Variants in GRHL2 observed in about 807,000 individuals in gnomAD.
GRHL2 encodes the protein grainyhead like transcription factor 2, also known as grainyhead-like protein 2 homolog.
In GRHL2, 21 loss-of-function variants were observed where a neutral mutation model predicts 83.8. That is an observed-to-expected ratio of 0.25 (90% CI 0.18 to 0.36). The LOEUF (loss-of-function observed/expected upper bound fraction) is 0.36, where lower values mean the gene tolerates loss of function less well. Among genes scored for constraint, GRHL2 ranks in the 10% least tolerant of loss-of-function variants. GRHL2 has a pLI of 1.00. For missense variants in GRHL2, 623 were observed against 781.8 expected (o/e 0.80, Z 2.42); for synonymous variants, 280 against 278.9 (o/e 1.00, Z -0.04).
chr8:101,540,968 G>A (rs1811140507), intron 1 of GRHL2, among the ~76,000 whole-genome samples: 1 of 152,054 alleles, frequency 6.6e-6, no homozygotes, highest in African/African-American at 2.4e-5. Context: ...ATATCACTCT[G>A]TTTGCCTTTG....
rs910958802 is a variant in GRHL2 at position 101,667,164 on chromosome 8, G to T, written c.*461G>T. 8 of 224,268 alleles carry T rather than the reference G, an allele frequency of 3.6e-5. No homozygotes were observed. Among genetic ancestry groups the T allele is most frequent in the Admixed American group, 4.9e-5 (1 of 20,212 alleles). 13.9% of individuals were successfully genotyped at this position (224,268 alleles called of 1,614,324 possible). Reference sequence around the variant, plus strand: ...GCTACGTCTGGGTGCAGTAGTTATAGGTGGGGCAAGAGGTGGATGCCCACT... The same window carrying T: ...GCTACGTCTGGGTGCAGTAGTTATATGTGGGGCAAGAGGTGGATGCCCACT... On this transcript the variant is annotated 3_prime_UTR_variant, in exon 16 of 16. Coordinates refer to ENST00000646743, the MANE Select transcript of GRHL2 (RefSeq NM_024915.4).
chr8:101,625,185 A>G (rs149681057), intron 9 of GRHL2, among the ~76,000 whole-genome samples: 158 of 152,220 alleles, frequency 1.0e-3, no homozygotes, highest in Non-Finnish European at 1.5e-3. Flanking sequence ...CCTTCTTGGA[A>G]ATAAAGAATA....
At chr8:101,597,536 T>A (rs189215544) in intron 7 of GRHL2, among the ~76,000 whole-genome samples, 2 of 152,146 alleles carry the variant, frequency 1.3e-5, no homozygotes, top group Non-Finnish European at 2.9e-5. Context: ...TGTAGGGACA[T>A]GGATGAAGCT....
chr8:101,616,297 A>T (rs990066270), intron 8 of GRHL2, among the ~76,000 whole-genome samples: 1 of 151,834 alleles, frequency 6.6e-6, no homozygotes, highest in Admixed American at 6.6e-5. Flanking sequence ...CAGCCTCCTG[A>T]GTAGCTGGGA....
chr8:101,674,167 C>G (rs2129811055), downstream of GRHL2, among the ~76,000 whole-genome samples: 1 of 152,200 alleles, frequency 6.6e-6, no homozygotes, highest in South Asian at 2.1e-4. Context: ...CAAGAGCAAA[C>G]ACATTCAAAA....
chr8:101,573,648 C>T lies in GRHL2; in HGVS notation c.735-20C>T. The T allele has an allele frequency of 6.2e-7, 1 of 1,614,054 alleles. No homozygotes were observed. ...ATGTCCAAGTGAGTGGATCTGACCG[C>T]TGTTTGTTTTCTTTCACAGTGGCAC... On this transcript the variant is annotated intron_variant, in intron 5 of 15. Transcript: ENST00000646743.
At chr8:101,509,048 G>T (rs1251318903) in intron 1 of GRHL2, among the ~76,000 whole-genome samples, 1 of 151,376 alleles carries the variant, frequency 6.6e-6, no homozygotes, top group Non-Finnish European at 1.5e-5. Flanking sequence ...CATTTCTCAG[G>T]CTTGGTCAGG....
At chr8:101,521,031 G>A (rs975042698) in intron 1 of GRHL2, among the ~76,000 whole-genome samples, 1 of 152,156 alleles carries the variant, frequency 6.6e-6, no homozygotes, top group Non-Finnish European at 1.5e-5. Context: ...AATAATCTAA[G>A]ATAGGATTAC....
At chr8:101,629,458 G>GT (rs1179960966) in intron 9 of GRHL2, among the ~76,000 whole-genome samples, 1 of 151,868 alleles carries the variant, frequency 6.6e-6, no homozygotes, top group African/African-American at 2.4e-5. Context: ...TTCAATATTT[G>GT]TTTTTTTATG....
At chr8:101,596,992 T>C (rs1586130706) in intron 7 of GRHL2, among the ~76,000 whole-genome samples, 1 of 152,178 alleles carries the variant, frequency 6.6e-6, no homozygotes. Flanking sequence ...GGCTATCCTG[T>C]GTGAGAAGAG....
chr8:101,535,152 T>C (rs1464090235), intron 1 of GRHL2, among the ~76,000 whole-genome samples: 1 of 152,236 alleles, frequency 6.6e-6, no homozygotes, highest in Non-Finnish European at 1.5e-5. Flanking sequence ...TCTGGATGTA[T>C]TTTGTAGCTG....
At chr8:101,681,113 C>T in the GRHL2 span, among the ~76,000 whole-genome samples, 1 of 148,658 alleles carries the variant, frequency 6.7e-6, no homozygotes, top group Admixed American at 6.8e-5. Context: ...ACAAAAAACC[C>T]TTCAAAAAAT....
chr8:101,630,114 T>C (rs1813157338), intron 9 of GRHL2, among the ~76,000 whole-genome samples: 1 of 152,198 alleles, frequency 6.6e-6, no homozygotes, highest in African/African-American at 2.4e-5. Flanking sequence ...TGTAAAGCTC[T>C]TAGAAATTCC....
intron 9 of GRHL2, among the ~76,000 whole-genome samples, chr8:101,630,438 A>G (rs572415151): frequency 3.9e-5 from 6 of 152,268 alleles, no homozygotes; most frequent in Admixed American, 2.0e-4. Context: ...TAAGGATTTG[A>G]TATTTTATGT....
At chr8:101,570,811 G>C (rs1387126866) in intron 5 of GRHL2, among the ~76,000 whole-genome samples, 1 of 152,188 alleles carries the variant, frequency 6.6e-6, no homozygotes, top group Non-Finnish European at 1.5e-5. Context: ...AGAGGTAAAG[G>C]ATCTGGCTTC....
intron 11 of GRHL2, among the ~76,000 whole-genome samples, chr8:101,634,276 C>T (rs1274017414): frequency 1.3e-5 from 2 of 152,168 alleles, no homozygotes; most frequent in Admixed American, 1.3e-4. Flanking sequence ...AAGGAACACA[C>T]TCAGCTGTCC....
intron 4 of GRHL2, among the ~76,000 whole-genome samples, chr8:101,560,756 T>A (rs1033360247): frequency 6.6e-6 from 1 of 152,206 alleles, no homozygotes; most frequent in Non-Finnish European, 1.5e-5. Flanking sequence ...TGTAGTGAGG[T>A]TGAACATCAT....
chr8:101,672,574 C>T (rs1317811546), downstream of GRHL2, among the ~76,000 whole-genome samples: 3 of 151,796 alleles, frequency 2.0e-5, no homozygotes, highest in Non-Finnish European at 4.4e-5. Flanking sequence ...AAATCCATGT[C>T]TGATTGGTGT....
chr8:101,561,696 AT>A (rs1398954041), intron 4 of GRHL2, among the ~76,000 whole-genome samples: 3 of 152,206 alleles, frequency 2.0e-5, no homozygotes, highest in Non-Finnish European at 4.4e-5. Flanking sequence ...GCCATTAGTT[AT>A]TGTACAAATG....
Sources: allele counts gnomAD v4.1 joint callset (sites outside exome capture counted in the v4.1 genomes callset), GRCh38; gene constraint gnomAD v4.1.1; transcripts MANE v1.5; gene names NCBI Gene and HGNC (gene_info 2026-07-23, HGNC 2026-07-21).